Variants in SAMMSON observed in about 807,000 individuals in gnomAD.
The protein encoded by SAMMSON is survival associated mitochondrial melanoma specific oncogenic non-coding RNA, also known as long intergenic non-protein coding RNA 1212.
intron 1 of SAMMSON, among the ~76,000 whole-genome samples, chr3:70,004,130 G>T: frequency 6.6e-6 from 1 of 152,108 alleles, no homozygotes; most frequent in East Asian, 1.9e-4. Context: ...TTGTGCACAG[G>T]TGTTCATGCA....
At chr3:70,297,142 A>G (rs1702297268) in intron 7 of SAMMSON, among the ~76,000 whole-genome samples, 1 of 152,114 alleles carries the variant, frequency 6.6e-6, no homozygotes, top group South Asian at 2.1e-4. Flanking sequence ...TTAAAAAAAT[A>G]TTTTTATGCA....
At chr3:70,077,761 A>G (rs2067254139) in intron 4 of SAMMSON, among the ~76,000 whole-genome samples, 2 of 152,190 alleles carry the variant, frequency 1.3e-5, no homozygotes, top group Non-Finnish European at 2.9e-5. Context: ...AGTTAATTGC[A>G]CACATCTCCG....
chr3:70,215,920 TA>T (rs1484576599), intron 4 of SAMMSON, among the ~76,000 whole-genome samples: 2 of 152,180 alleles, frequency 1.3e-5, no homozygotes, highest in Non-Finnish European at 2.9e-5. Context: ...TAACTGATCC[TA>T]GTAAAAGTCT....
At chr3:70,376,919 A>G (rs2106749291) in intron 9 of SAMMSON, among the ~76,000 whole-genome samples, 1 of 152,164 alleles carries the variant, frequency 6.6e-6, no homozygotes, top group East Asian at 1.9e-4. Context: ...TTTGAATGTC[A>G]TTAAAAATCC....
At chr3:70,109,667 T>G (rs1172673082) in intron 4 of SAMMSON, among the ~76,000 whole-genome samples, 2 of 152,164 alleles carry the variant, frequency 1.3e-5, no homozygotes, top group African/African-American at 4.8e-5. Context: ...CAAGAGCATC[T>G]CCACGTTTCA....
chr3:70,372,972 C>T (rs1470326611), intron 9 of SAMMSON, among the ~76,000 whole-genome samples: 1 of 152,064 alleles, frequency 6.6e-6, no homozygotes, highest in Non-Finnish European at 1.5e-5. Context: ...CTTCCTATTC[C>T]TACATTTAAA....
intron 9 of SAMMSON, among the ~76,000 whole-genome samples, chr3:70,360,039 G>A (rs542633622): frequency 2.6e-5 from 4 of 152,206 alleles, no homozygotes; most frequent in East Asian, 3.9e-4. Flanking sequence ...ACAGACTTCC[G>A]TCGGCGCATT....
intron 3 of SAMMSON, among the ~76,000 whole-genome samples, chr3:70,016,456 G>T (rs1016243960): frequency 1.3e-5 from 2 of 152,064 alleles, no homozygotes; most frequent in African/African-American, 2.4e-5. Flanking sequence ...GTGTAACTTT[G>T]TTTGAGTTCA....
chr3:70,429,635 T>G (rs1047817603), intron 2 of SAMMSON, among the ~76,000 whole-genome samples: 1 of 152,226 alleles, frequency 6.6e-6, no homozygotes, highest in South Asian at 2.1e-4. Flanking sequence ...TGTCCTCTCT[T>G]ATTTCCTTCA....
At chr3:70,175,697 C>T (rs1054978220) in intron 4 of SAMMSON, among the ~76,000 whole-genome samples, 1 of 152,070 alleles carries the variant, frequency 6.6e-6, no homozygotes, top group Non-Finnish European at 1.5e-5. Context: ...AGAAACTCTG[C>T]CAAATGACTA....
At chr3:70,082,213 C>G (rs555054436) in intron 4 of SAMMSON, among the ~76,000 whole-genome samples, 4 of 152,248 alleles carry the variant, frequency 2.6e-5, no homozygotes, top group African/African-American at 7.2e-5. Context: ...GAGACCCACT[C>G]TGGCTCAAAT....
chr3:70,339,730 C>T (rs1008702603), intron 7 of SAMMSON, among the ~76,000 whole-genome samples: 7 of 152,126 alleles, frequency 4.6e-5, no homozygotes, highest in East Asian at 1.9e-4. Context: ...GTTAGAATGG[C>T]GATCATTAAA....
chr3:70,331,469 A>G (rs1702620932), intron 7 of SAMMSON, among the ~76,000 whole-genome samples: 1 of 152,214 alleles, frequency 6.6e-6, no homozygotes. Flanking sequence ...CACAAATCCA[A>G]TTTATTCAAT....
At chr3:70,262,958 G>GTA (rs1177197802) in intron 6 of SAMMSON, among the ~76,000 whole-genome samples, 2 of 152,008 alleles carry the variant, frequency 1.3e-5, no homozygotes, top group African/African-American at 4.8e-5. Context: ...CTTCCTATCT[G>GTA]TATTGTCTAA....
At position 70,152,256 on chromosome 3, in the gene SAMMSON, AT is replaced by A. The variant is rs573711557; in HGVS notation, n.507+80692del. Among the ~76,000 whole-genome samples, 174 of 152,202 alleles carry A rather than the reference AT, an allele frequency of 1.1e-3. 1 individual carries two copies. Among genetic ancestry groups the A allele is most frequent in the African/African-American group, 4.0e-3 (166 of 41,570 alleles). On this transcript the variant is annotated intron_variant and non_coding_transcript_variant, in intron 4 of 9. Coordinates refer to ENST00000642114, the Ensembl canonical transcript of SAMMSON. ...TCAAACAATTGGATTTCAAGTCACC[AT>A]ATCAAGTATATGGCTTTGAGCATTG...
intron 6 of SAMMSON, among the ~76,000 whole-genome samples, chr3:70,251,071 T>A (rs1358272367): frequency 6.6e-6 from 1 of 152,194 alleles, no homozygotes; most frequent in Non-Finnish European, 1.5e-5. Context: ...TGAATCGTAT[T>A]CATTAAACCA....
chr3:70,290,062 T>G (rs1362372338), intron 6 of SAMMSON, among the ~76,000 whole-genome samples: 4 of 152,194 alleles, frequency 2.6e-5, no homozygotes, highest in Admixed American at 6.5e-5. Flanking sequence ...TCTCAGCTCG[T>G]CAAAGTCATT....
At chr3:70,071,880 GAA>G (rs1559785277) in intron 4 of SAMMSON, 1 of 152,046 alleles carries the variant, frequency 6.6e-6, no homozygotes, top group South Asian at 2.1e-4. Context: ...TGTAGTTAAA[GAA>G]AAGGCTTTTT....
intron 4 of SAMMSON, among the ~76,000 whole-genome samples, chr3:70,233,605 C>T (rs1039566989): frequency 3.3e-5 from 5 of 152,216 alleles, no homozygotes; most frequent in Non-Finnish European, 5.9e-5. Context: ...ACATTTCCAT[C>T]ATACCCTCTG....
Sources: allele counts gnomAD v4.1 joint callset (sites outside exome capture counted in the v4.1 genomes callset), GRCh38; gene constraint gnomAD v4.1.1; transcripts MANE v1.5; gene names NCBI Gene and HGNC (gene_info 2026-07-23, HGNC 2026-07-21).